The following SLCO4A1 variants were observed in gnomAD, a reference collection of about 807,000 sequenced individuals.
The protein encoded by SLCO4A1 is colon organic anion transporter.
A neutral mutation model predicts 64.6 loss-of-function variants in SLCO4A1; 51 were observed. That is an observed-to-expected ratio of 0.79 (90% confidence interval 0.63 to 1.00). The LOEUF (loss-of-function observed/expected upper bound fraction) is 1.00. SLCO4A1 is among the 50% of genes least tolerant of loss of function. SLCO4A1 has a pLI of 0.00. For missense variants in SLCO4A1, 919 were observed against 980.5 expected, an observed-to-expected ratio of 0.94 and a Z score of 0.84; for synonymous variants, 471 against 444.9, an observed-to-expected ratio of 1.06 and a Z score of -0.74.
chr20:62,690,054 C>T (rs975360805), downstream of SLCO4A1, among the ~76,000 whole-genome samples: 1 of 152,246 alleles, frequency 6.6e-6, no homozygotes, highest in Non-Finnish European at 1.5e-5. Context: ...TGAACGACCC[C>T]AGCCCCCTTG....
At chr20:62,690,717 C>T (rs1012414156), downstream of SLCO4A1, among the ~76,000 whole-genome samples, 12 of 152,182 alleles carry the variant, frequency 7.9e-5, no homozygotes, top group South Asian at 4.1e-4. Flanking sequence ...ATTCAATAAA[C>T]GCGCTTTCAT....
intron 3 of SLCO4A1, among the ~76,000 whole-genome samples, chr20:62,659,555 G>A (rs1003742549): frequency 1.3e-5 from 2 of 152,206 alleles, no homozygotes; most frequent in Admixed American, 6.5e-5. Flanking sequence ...GCTGGAGCTC[G>A]TGTCCCGGGT....
intron 5 of SLCO4A1, among the ~76,000 whole-genome samples, chr20:62,662,681 AGCCTGG>A (rs1304041085): frequency 6.6e-6 from 1 of 152,148 alleles, no homozygotes; most frequent in Admixed American, 6.5e-5. Context: ...CACACCCCGG[AGCCTGG>A]GCAGGTCTGG....
In SLCO4A1 at chr20:62,672,136, ATG is replaced by A; in HGVS notation, c.*247_*248del. ...GTTTGCATCAGAACGTGTTTATAGA[ATG>A]TGTTTTATACCCGATCGTGTGTGGT... On this transcript the variant is annotated 3_prime_UTR_variant, in exon 12 of 12. Coordinates refer to ENST00000217159, the MANE Select transcript of SLCO4A1 (RefSeq NM_016354.4). The A allele has an allele frequency of 7.1e-7, 1 of 1,400,028 alleles. No individual in the cohort carries two copies. Among genetic ancestry groups the A allele is most frequent in the Non-Finnish European group, 9.3e-7 (1 of 1,072,824 alleles). The allele number at this position is 1,400,028 out of a possible 1,614,324, so 86.7% of individuals were successfully genotyped here.
At chr20:62,664,633 G>T (rs1420880468) in intron 5 of SLCO4A1, among the ~76,000 whole-genome samples, 7 of 152,176 alleles carry the variant, frequency 4.6e-5, no homozygotes, top group Admixed American at 4.6e-4. Flanking sequence ...TGGGCCACAG[G>T]CATAGGCTCA....
Position 62,666,270 on chromosome 20 carries a change from C to T in SLCO4A1, c.1277-110C>T, listed in dbSNP as rs1054451387. On this transcript the variant is annotated intron_variant, in intron 6 of 11. Transcript: ENST00000217159. ...TGCTGCCATGCAGGCAGGAATTGAT[C>T]CCTCTATGCCTCAGTTTCCCCACCT... The T allele has an allele frequency of 5.3e-5, 46 of 863,288 alleles. 2 individuals carry two copies. In the South Asian group the frequency reaches 5.9e-4, roughly 11 times the overall value. The allele number at this position is 863,288 out of a possible 1,614,324, so 53.5% of individuals were successfully genotyped here.
At chr20:62,673,702 C>T (rs535397070), downstream of SLCO4A1, among the ~76,000 whole-genome samples, 88 of 146,426 alleles carry the variant, frequency 6.0e-4, 9 homozygotes, top group African/African-American at 1.8e-3. Flanking sequence ...GGCAAGAAAC[C>T]GGATGCTCAG....
rs952872774 is a variant in SLCO4A1 at position 62,658,746 on chromosome 20, T to C, written c.866T>C (p.Ile289Thr). Residue 289 changes from isoleucine to threonine, a missense_variant, in exon 3 of 12, where the codon ATC becomes ACC. Ile to Thr is a moderately conservative substitution (Grantham distance 89). Coordinates refer to ENST00000217159, the MANE Select transcript of SLCO4A1 (RefSeq NM_016354.4). ...GYLIGGALLN[I>T]YTEMGRRTEL... ...CTGATTGGAGGTGCCCTGCTGAATA[T>C]CTACACGGAAATGGGCCGACGGTGA... is the stretch of plus-strand genomic sequence containing the variant. 1.2e-6 allele frequency: 2 copies of C among 1,611,516 alleles called. No individual in the cohort carries two copies. Among genetic ancestry groups the C allele is most frequent in the African/African-American group, 2.7e-5 (2 of 75,054 alleles).
At chr20:62,662,531 T>A (rs1011926819) in intron 5 of SLCO4A1, among the ~76,000 whole-genome samples, 1 of 152,192 alleles carries the variant, frequency 6.6e-6, no homozygotes, top group Non-Finnish European at 1.5e-5. Flanking sequence ...AAGAAATAAA[T>A]CATGGGACAT....
intron 5 of SLCO4A1, among the ~76,000 whole-genome samples, chr20:62,662,665 C>T (rs1985211109): frequency 6.6e-6 from 1 of 152,212 alleles, no homozygotes; most frequent in South Asian, 2.1e-4. Flanking sequence ...CCTCCTAACG[C>T]AGCCACACAC....
downstream of SLCO4A1, among the ~76,000 whole-genome samples, chr20:62,687,763 C>T (rs1214259828): frequency 6.6e-6 from 1 of 152,200 alleles, no homozygotes; most frequent in African/African-American, 2.4e-5. Context: ...TCTGCTGGGG[C>T]CGCGGGTCCC....
intron 5 of SLCO4A1, among the ~76,000 whole-genome samples, chr20:62,662,311 G>A (rs1367017521): frequency 2.0e-5 from 3 of 152,106 alleles, no homozygotes; most frequent in Admixed American, 6.5e-5. Context: ...CCGGGGCCAC[G>A]TTCCCAGGAC....
intron 4 of SLCO4A1, among the ~76,000 whole-genome samples, chr20:62,660,853 C>G (rs1984651430): frequency 6.6e-6 from 1 of 152,062 alleles, no homozygotes; most frequent in African/African-American, 2.4e-5. Context: ...GGCCCCAGCT[C>G]TCCCACACCT....
In SLCO4A1 at chr20:62,681,269, G is replaced by A. The variant is rs150404259; in HGVS notation, n.212-4172G>A. ...TACAAAGAGATCCCTTGCACACTTT[G>A]CCCAGTCTCCCCCAATGGTAACATT... On this transcript the variant is annotated intron_variant and non_coding_transcript_variant, in intron 2 of 2. Coordinates refer to the SLCO4A1 transcript ENST00000466818. 2.6e-3 allele frequency among the ~76,000 whole-genome samples: 398 copies of A among 152,320 alleles called. 1 individual carries two copies. The highest frequency in any genetic ancestry group is 8.4e-3 in the African/African-American group (351 of 41,562).
chr20:62,666,620 C>T, intron 7 of SLCO4A1, 45 bp downstream of exon 7: 1 of 1,535,110 alleles, frequency 6.5e-7, no homozygotes, highest in Non-Finnish European at 8.9e-7. Context: ...GCCCCAAGCA[C>T]CCGCGGTCCC....
rs770658812 is a variant in SLCO4A1 at position 62,682,156 on chromosome 20, G to T, written n.212-3285G>T. ...GTGTGGTCTGTCTGTCCCACTACTG[G>T]TGTTAGCTTGTCAGGGGCAGATAAC... is the stretch of plus-strand genomic sequence containing the variant. On this transcript the variant is annotated intron_variant and non_coding_transcript_variant, in intron 2 of 2. Coordinates refer to the SLCO4A1 transcript ENST00000466818. Among the ~76,000 whole-genome samples, 64 of 152,340 alleles carry T rather than the reference G, an allele frequency of 4.2e-4. 1 individual carries two copies. Among genetic ancestry groups the T allele is most frequent in the Non-Finnish European group, 6.2e-4 (42 of 68,030 alleles).
chr20:62,671,727 C>T (rs1294521123), intron 11 of SLCO4A1, 23 bp from the exon 12 acceptor site: 1 of 1,607,986 alleles, frequency 6.2e-7, no homozygotes, highest in Non-Finnish European at 8.5e-7. Context: ...CCCACGAGGT[C>T]CAGCGGGCTC....
intron 1 of SLCO4A1, among the ~76,000 whole-genome samples, chr20:62,646,214 G>A (rs537533025): frequency 4.8e-5 from 7 of 145,820 alleles, no homozygotes; most frequent in South Asian, 2.5e-4. Flanking sequence ...CCCACCACCC[G>A]CCCTGCCTCC....
intron 1 of SLCO4A1, chr20:62,643,058 A>G (rs1339605226): frequency 2.1e-6 from 1 of 468,330 alleles, no homozygotes; most frequent in Admixed American, 2.4e-5. Context: ...ACCTTCATGC[A>G]CGGAAGTTTC....
Sources: gnomAD v4.1 joint callset for allele counts (sites outside exome capture counted in the v4.1 genomes callset) on GRCh38, gnomAD v4.1.1 for gene constraint, MANE v1.5 for transcripts, NCBI Gene and HGNC (gene_info 2026-07-23, HGNC 2026-07-21) for gene names.